The following TPX2 variants were observed in gnomAD, a reference collection of about 807,000 sequenced individuals.
TPX2 encodes TPX2 microtubule nucleation factor, also known as targeting protein for Xklp2.
In TPX2, 21 loss-of-function variants were observed where a neutral mutation model predicts 93.6. That is an observed-to-expected ratio of 0.22 (90% CI 0.16 to 0.32). The LOEUF (loss-of-function observed/expected upper bound fraction) is 0.32, where lower values mean the gene tolerates loss of function less well. Ranked by LOEUF, TPX2 falls within the 10% of genes least tolerant of loss-of-function variation. The probability of loss-of-function intolerance (pLI) is 1.00; values close to 1 mark genes in which losing one functional copy is unlikely to be tolerated. For synonymous variants in TPX2, 281 were observed against 298.3 expected, an observed-to-expected ratio of 0.94 and a Z score of 0.60; for missense variants, 776 against 871.1, an observed-to-expected ratio of 0.89 and a Z score of 1.37.
chr20:31,782,257 C>A lies in TPX2; in HGVS notation c.1063C>A (p.Pro355Thr), dbSNP rs753268261. The A allele has an allele frequency of 1.2e-6, 2 of 1,610,590 alleles. No homozygotes were observed. The highest frequency in any genetic ancestry group is 3.4e-5 in the Admixed American group (2 of 59,092). Residue 355 changes from proline to threonine, a missense_variant, in exon 11 of 18, where the codon CCC becomes ACC. Transcript: ENST00000300403. Reference protein sequence around the residue: ...RSKKDDINLLPSKSSVTKICR... With the variant: ...RSKKDDINLLTSKSSVTKICR... The stretch of plus-strand genomic sequence containing the variant: ...GTCATCTCTGTTTACAGACCTGTTA[C>A]CCTCCAAATCTTCTGTGACCAAGAT...
chr20:31,772,394 C>T (rs1025482924), intron 7 of TPX2, among the ~76,000 whole-genome samples: 11 of 152,054 alleles, frequency 7.2e-5, no homozygotes, highest in Non-Finnish European at 1.2e-4. Flanking sequence ...AACTCCTGGC[C>T]TCAAGCAGTC....
intron 15 of TPX2, among the ~76,000 whole-genome samples, chr20:31,796,704 A>ATT (rs781035098): frequency 2.1e-5 from 3 of 140,932 alleles, no homozygotes; most frequent in East Asian, 2.1e-4. Flanking sequence ...TTCTGGTTAG[A>ATT]TTTTTTTTTT....
intron 2 of TPX2, among the ~76,000 whole-genome samples, chr20:31,753,130 G>C (rs2061829831): frequency 6.6e-6 from 1 of 152,160 alleles, no homozygotes; most frequent in Admixed American, 6.6e-5. Context: ...CCAGACAGAA[G>C]ACTATGGAGA....
chr20:31,792,229 C>T (rs1012214229), intron 12 of TPX2, among the ~76,000 whole-genome samples: 63 of 151,762 alleles, frequency 4.2e-4, no homozygotes, highest in African/African-American at 1.5e-3. Flanking sequence ...CAAAGTGGTG[C>T]GCGCTTGTAG....
Position 31,783,898 on chromosome 20 carries a change from A to G in TPX2, c.1390A>G (p.Thr464Ala), listed in dbSNP as rs745643344. ...HFEFHSRPCPTKILEDVVGVP... is the reference protein window; with the variant it reads ...HFEFHSRPCPAKILEDVVGVP... ...TGAATTTCATTCCAGACCTTGCCCT[A>G]CTAAGATTTTGGAAGATGTTGTGGT... Residue 464 changes from threonine to alanine, a missense_variant, in exon 12 of 18, where the codon ACT becomes GCT. Physicochemically the swap from Thr to Ala is moderately conservative, Grantham distance 58 (BLOSUM62 0). Coordinates refer to ENST00000300403, the MANE Select transcript of TPX2 (RefSeq NM_012112.5). 5.6e-6 allele frequency: 9 copies of G among 1,612,852 alleles called. No homozygotes were observed. In the East Asian group the frequency reaches 1.6e-4, roughly 28 times the overall value.
intron 2 of TPX2, among the ~76,000 whole-genome samples, chr20:31,755,946 G>C (rs2122975510): frequency 6.6e-6 from 1 of 152,296 alleles, no homozygotes; most frequent in South Asian, 2.1e-4. Context: ...TCGTACGCAG[G>C]AGTAGGGAGG....
chr20:31,760,570 T>C (rs1423766125), intron 4 of TPX2, among the ~76,000 whole-genome samples: 1 of 152,124 alleles, frequency 6.6e-6, no homozygotes, highest in African/African-American at 2.4e-5. Context: ...CTAGCCAAGC[T>C]GGTCTTGACC....
Position 31,801,200 on chromosome 20 carries a change from C to G in TPX2, c.*120C>G. The G allele has an allele frequency of 1.2e-6, 1 of 811,334 alleles. No individual in the cohort carries two copies. Among genetic ancestry groups the G allele is most frequent in the Non-Finnish European group, 2.0e-6 (1 of 500,874 alleles). The allele number at this position is 811,334 out of a possible 1,614,324, so 50.3% of individuals were successfully genotyped here. Reference sequence around the variant, plus strand: ...ACCCATTTCTCCAGACTTTTACCTACCCGTGCCTGAGAAAGCATACTTGAC... The same window carrying G: ...ACCCATTTCTCCAGACTTTTACCTAGCCGTGCCTGAGAAAGCATACTTGAC... On this transcript the variant is annotated 3_prime_UTR_variant, in exon 18 of 18. Coordinates refer to ENST00000300403, the MANE Select transcript of TPX2 (RefSeq NM_012112.5).
At chr20:31,769,318 C>CTT (rs143158722) in intron 5 of TPX2, among the ~76,000 whole-genome samples, 5 of 121,872 alleles carry the variant, frequency 4.1e-5, no homozygotes, top group East Asian at 2.3e-4. Context: ...AATGATCACG[C>CTT]TTTTTTTTTT....
intron 12 of TPX2, among the ~76,000 whole-genome samples, chr20:31,792,127 G>A (rs148189252): frequency 3.6e-3 from 546 of 152,286 alleles, no homozygotes; most frequent in Middle Eastern, 0.024. Flanking sequence ...AGTGGTTCAC[G>A]TCCGTAATCC....
At chr20:31,771,500 G>A in intron 6 of TPX2, 60 bp from the exon 7 acceptor site, 2 of 1,559,262 alleles carry the variant, frequency 1.3e-6, no homozygotes, top group Non-Finnish European at 1.7e-6. Context: ...ATTTGGGGAG[G>A]AGGGTACAGG....
intron 4 of TPX2, among the ~76,000 whole-genome samples, chr20:31,764,116 A>ATGTGTGTATATATGTACATATACATG (rs2061909077): frequency 6.6e-6 from 1 of 150,858 alleles, no homozygotes; most frequent in Non-Finnish European, 1.5e-5. Flanking sequence ...ATATACATGT[A>ATGTGTGTATATATGTACATATACATG]TGTGTGTATA....
chr20:31,771,625 C>G lies in TPX2; in HGVS notation c.551C>G (p.Ala184Gly), dbSNP rs748462046. Residue 184 changes from alanine to glycine, a missense_variant, in exon 7 of 18, where the codon GCA (alanine) becomes GGA (glycine). Physicochemically the swap from Ala to Gly is moderately conservative, Grantham distance 60 (BLOSUM62 0). Transcript: ENST00000300403. ...SAHQDTAEKN[A>G]SSPEKAKGRH... is the part of the protein sequence containing the mutation. ...CATCAAGATACTGCTGAAAAGAATGCATCTTCCCCAGAGAAAGCCAAGGGT... is the reference window on the plus strand; with the variant it reads ...CATCAAGATACTGCTGAAAAGAATGGATCTTCCCCAGAGAAAGCCAAGGGT... 2.5e-6 allele frequency: 4 copies of G among 1,613,868 alleles called. No individual in the cohort carries two copies. The Admixed American group carries it at 6.7e-5, about 27-fold the overall frequency.
At chr20:31,772,726 T>C (rs1414861612) in intron 7 of TPX2, among the ~76,000 whole-genome samples, 3 of 152,208 alleles carry the variant, frequency 2.0e-5, no homozygotes, top group African/African-American at 7.2e-5. Context: ...ATTTATCCTT[T>C]TTTGATAGAT....
chr20:31,798,397 T>C lies in TPX2; in HGVS notation c.1978T>C (p.Phe660Leu), dbSNP rs2062151031. Residue 660 changes from phenylalanine (F) to leucine (L), a missense_variant, in exon 17 of 18, where the codon TTT (phenylalanine) becomes CTT (leucine). Coordinates refer to ENST00000300403, the MANE Select transcript of TPX2 (RefSeq NM_012112.5). ...GLSGSLVQEP[F>L]QLATEKRAKE... ...TTCTGGTTCTCTAGTTCAGGAACCT[T>C]TTCAGCTGGCTACTGAGAAGAGAGC... is the stretch of plus-strand genomic sequence containing the variant. 1.2e-6 allele frequency: 2 copies of C among 1,613,946 alleles called. No homozygotes were observed. Among genetic ancestry groups the C allele is most frequent in the African/African-American group, 2.7e-5 (2 of 74,882 alleles).
At chr20:31,781,143 T>C in intron 10 of TPX2, 1 of 164,596 alleles carries the variant, frequency 6.1e-6, no homozygotes, top group Non-Finnish European at 1.3e-5. Flanking sequence ...AGGCTGGTCT[T>C]GAGCTCCTGG....
intron 4 of TPX2, among the ~76,000 whole-genome samples, chr20:31,763,602 T>C (rs1024052850): frequency 1.3e-5 from 2 of 152,206 alleles, no homozygotes; most frequent in Non-Finnish European, 2.9e-5. Context: ...TTTATCTTTA[T>C]AATTTTTGCT....
chr20:31,750,162 C>CT (rs767712530), intron 2 of TPX2, among the ~76,000 whole-genome samples: 175 of 137,618 alleles, frequency 1.3e-3, no homozygotes, highest in East Asian at 6.3e-3. Context: ...GTCTCGATTT[C>CT]TTTTTTTTTT....
intron 10 of TPX2, chr20:31,780,892 T>C (rs552714349): frequency 4.7e-5 from 18 of 383,540 alleles, no homozygotes; most frequent in East Asian, 3.9e-4. Context: ...TGGTCTTCTT[T>C]TGTTATTTAT....
Sources: gnomAD v4.1 joint callset for allele counts (sites outside exome capture counted in the v4.1 genomes callset) on GRCh38, gnomAD v4.1.1 for gene constraint, MANE v1.5 for transcripts, NCBI Gene and HGNC (gene_info 2026-07-23, HGNC 2026-07-21) for gene names.